Variants in BMPR2 observed in about 807,000 individuals in gnomAD.
BMPR2 encodes bone morphogenetic protein receptor type 2, also known as bone morphogenetic protein receptor type-2.
Under a neutral mutation model 100.8 loss-of-function variants are expected in BMPR2, and 29 were observed. The ratio of observed to expected loss-of-function variants is 0.29; its 90% CI spans 0.21 to 0.39. The LOEUF is 0.39. Among genes scored for constraint, BMPR2 ranks in the 10% least tolerant of loss-of-function variants. BMPR2 has a pLI of 1.00. For synonymous variants in BMPR2, 382 were observed against 442.3 expected (o/e 0.86, Z 1.71); for missense variants, 1,011 against 1,274.5 (o/e 0.79, Z 3.15).
Position 202,452,981 on chromosome 2 carries a change from G to C in BMPR2, c.77-11828G>C, listed in dbSNP as rs142090572. 2.1e-4 allele frequency among the ~76,000 whole-genome samples: 32 copies of C among 152,306 alleles called. No homozygotes were observed. The East Asian group carries it at 6.2e-3, about 29-fold the overall frequency. On this transcript the variant is annotated intron_variant, in intron 1 of 12. Coordinates refer to ENST00000374580, the MANE Select transcript of BMPR2 (RefSeq NM_001204.7). ...TGAGGCACTCCAGGTAAAGAGAACA[G>C]AATGCATGAAGGCCTTGATGTGAAA...
intron 3 of BMPR2, among the ~76,000 whole-genome samples, chr2:202,483,248 G>C (rs1368721767): frequency 6.6e-6 from 1 of 151,802 alleles, no homozygotes; most frequent in Non-Finnish European, 1.5e-5. Flanking sequence ...TATATATTTT[G>C]GATATTAACC....
At chr2:202,487,100 G>A (rs983900395) in intron 3 of BMPR2, among the ~76,000 whole-genome samples, 6 of 151,978 alleles carry the variant, frequency 3.9e-5, no homozygotes, top group African/African-American at 7.2e-5. Context: ...CTTTTTATCC[G>A]CATGATAGCA....
chr2:202,551,775 G>T (rs1441562326), intron 10 of BMPR2, among the ~76,000 whole-genome samples: 3 of 151,840 alleles, frequency 2.0e-5, no homozygotes, highest in African/African-American at 7.3e-5. Context: ...TCTTGGCTCA[G>T]TGCAACCTCT....
intron 1 of BMPR2, among the ~76,000 whole-genome samples, chr2:202,423,180 T>G (rs1255908652): frequency 1.3e-5 from 2 of 151,176 alleles, no homozygotes; most frequent in Non-Finnish European, 2.9e-5. Flanking sequence ...TGAGCCACCA[T>G]GCCCAGCTGA....
chr2:202,457,941 A>C (rs1692152717), intron 1 of BMPR2, among the ~76,000 whole-genome samples: 1 of 151,926 alleles, frequency 6.6e-6, no homozygotes, highest in Non-Finnish European at 1.5e-5. Context: ...ATTTTGGCCA[A>C]GCTGGTCTTG....
chr2:202,541,569 C>T (rs189900982), intron 9 of BMPR2, among the ~76,000 whole-genome samples: 14 of 152,250 alleles, frequency 9.2e-5, no homozygotes, highest in Admixed American at 9.2e-4. Context: ...TTCAACCCAC[C>T]CACTTACATT....
At chr2:202,462,776 G>A (rs1453872072) in intron 1 of BMPR2, among the ~76,000 whole-genome samples, 1 of 151,514 alleles carries the variant, frequency 6.6e-6, no homozygotes, top group Non-Finnish European at 1.5e-5. Context: ...GCAGTGGTGC[G>A]ATCTCAGCTC....
chr2:202,494,299 AGTG>A (rs1453048086), intron 3 of BMPR2, among the ~76,000 whole-genome samples: 2 of 152,230 alleles, frequency 1.3e-5, no homozygotes, highest in Non-Finnish European at 2.9e-5. Context: ...CTTTCTACAC[AGTG>A]GTAAAAGATT....
chr2:202,381,879 G>GT lies in BMPR2; in HGVS notation c.76+4339dup, dbSNP rs201649514. 1.8e-3 allele frequency among the ~76,000 whole-genome samples: 270 copies of GT among 147,552 alleles called. 1 individual carries two copies. Among genetic ancestry groups the GT allele is most frequent in the African/African-American group, 4.7e-3 (189 of 40,290 alleles). ...AAAACCTTTCCTTCATTAAAGGCCA[G>GT]TTTTTTTTTTAACAAAAAGAGAAGA... is the stretch of plus-strand genomic sequence containing the variant. On this transcript the variant is annotated intron_variant, in intron 1 of 12. Transcript: ENST00000374580.
chr2:202,526,021 A>G (rs1559065145), intron 7 of BMPR2, among the ~76,000 whole-genome samples: 1 of 151,636 alleles, frequency 6.6e-6, no homozygotes, highest in Non-Finnish European at 1.5e-5. Flanking sequence ...ATGCACCACC[A>G]CGCCCAGCTA....
intron 1 of BMPR2, among the ~76,000 whole-genome samples, chr2:202,409,214 G>A (rs1468051238): frequency 1.3e-5 from 2 of 152,092 alleles, no homozygotes; most frequent in African/African-American, 2.4e-5. Flanking sequence ...GTGTGGTGGT[G>A]CACACCTGTA....
rs530016481 is a variant in BMPR2, at chr2:202,459,783, A to C, written c.77-5026A>C. 7.2e-5 allele frequency among the ~76,000 whole-genome samples: 11 copies of C among 152,358 alleles called. No homozygotes were observed. In the South Asian group the frequency reaches 2.3e-3, roughly 32 times the overall value. On this transcript the variant is annotated intron_variant, in intron 1 of 12. Transcript: ENST00000374580. Reference sequence around the variant, plus strand: ...GCAAAACGAGATTTAATTAAACATAAGAGCTTCTGCATGGCAAAAGAAACT... The same window carrying C: ...GCAAAACGAGATTTAATTAAACATACGAGCTTCTGCATGGCAAAAGAAACT...
intron 10 of BMPR2, among the ~76,000 whole-genome samples, chr2:202,551,472 A>C (rs1001739637): frequency 6.6e-6 from 1 of 151,952 alleles, no homozygotes; most frequent in Non-Finnish European, 1.5e-5. Flanking sequence ...TGCAGTGAGC[A>C]GAGATCGTGC....
chr2:202,400,062 A>C (rs138938760), intron 1 of BMPR2, among the ~76,000 whole-genome samples: 1 of 152,152 alleles, frequency 6.6e-6, no homozygotes, highest in Non-Finnish European at 1.5e-5. Flanking sequence ...TGCATTGAGC[A>C]CAGATGATGC....
intron 1 of BMPR2, among the ~76,000 whole-genome samples, chr2:202,405,023 A>C (rs925044172): frequency 6.6e-6 from 1 of 151,814 alleles, no homozygotes; most frequent in South Asian, 2.1e-4. Context: ...GGGTCTCGCT[A>C]TGTTGCCCAG....
intron 1 of BMPR2, among the ~76,000 whole-genome samples, chr2:202,394,642 T>TA (rs1258938447): frequency 6.6e-6 from 1 of 152,094 alleles, no homozygotes; most frequent in Non-Finnish European, 1.5e-5. Flanking sequence ...TGTCTAATGA[T>TA]ATGTAAAAAT....
intron 1 of BMPR2, among the ~76,000 whole-genome samples, chr2:202,457,542 TTATATATA>T (rs775599027): frequency 9.0e-5 from 12 of 134,050 alleles, no homozygotes; most frequent in African/African-American, 3.0e-4. Flanking sequence ...TAGCAATATT[TTATATATA>T]TATATATATA....
chr2:202,451,973 C>G (rs1341535948), intron 1 of BMPR2, among the ~76,000 whole-genome samples: 1 of 152,074 alleles, frequency 6.6e-6, no homozygotes, highest in Non-Finnish European at 1.5e-5. Flanking sequence ...AGGCTAGTCT[C>G]AACCTCCCGA....
intron 3 of BMPR2, among the ~76,000 whole-genome samples, chr2:202,493,777 T>A (rs1018046256): frequency 1.3e-5 from 2 of 152,204 alleles, no homozygotes; most frequent in Admixed American, 6.5e-5. Context: ...GGGGTGGAAT[T>A]TAACTTTAGA....
Sources: gnomAD v4.1 joint callset for allele counts (sites outside exome capture counted in the v4.1 genomes callset) on GRCh38, gnomAD v4.1.1 for gene constraint, MANE v1.5 for transcripts, NCBI Gene and HGNC (gene_info 2026-07-23, HGNC 2026-07-21) for gene names.